The following SSBP3 variants were observed in gnomAD, a reference collection of about 807,000 sequenced individuals.
SSBP3 encodes single stranded DNA binding protein 3.
Under a neutral mutation model 69.6 loss-of-function variants are expected in SSBP3, and 5 were observed. That is an observed-to-expected ratio of 0.07 (90% confidence interval 0.04 to 0.15). The LOEUF (loss-of-function observed/expected upper bound fraction) is 0.15, where lower values mean the gene tolerates loss of function less well. Among genes scored for constraint, SSBP3 ranks in the 10% least tolerant of loss-of-function variants. The pLI is 1.00. For missense variants in SSBP3, 312 were observed against 534.0 expected, an observed-to-expected ratio of 0.58 and a Z score of 4.10; for synonymous variants, 196 against 193.4, an observed-to-expected ratio of 1.01 and a Z score of -0.11.
intron 5 of SSBP3, among the ~76,000 whole-genome samples, chr1:54,263,705 G>A (rs986287031): frequency 6.6e-6 from 1 of 152,182 alleles, no homozygotes; most frequent in Non-Finnish European, 1.5e-5. Context: ...CTTACTCCAT[G>A]TCTGGGGGTG....
At chr1:54,241,165 G>A (rs1231361284) in intron 12 of SSBP3, among the ~76,000 whole-genome samples, 2 of 152,150 alleles carry the variant, frequency 1.3e-5, no homozygotes, top group Non-Finnish European at 2.9e-5. Context: ...AGACCAAGCG[G>A]CCCCTGTGGG....
chr1:54,344,718 C>T (rs1023452197), intron 4 of SSBP3, among the ~76,000 whole-genome samples: 2 of 152,200 alleles, frequency 1.3e-5, no homozygotes, highest in African/African-American at 4.8e-5. Context: ...GAGATAGCAA[C>T]AGAGAACAGG....
chr1:54,230,393 C>CA (rs1169878216), intron 14 of SSBP3, among the ~76,000 whole-genome samples: 4 of 152,238 alleles, frequency 2.6e-5, no homozygotes, highest in African/African-American at 9.6e-5. Context: ...CATGATAATA[C>CA]AGATTTATGC....
At chr1:54,393,728 A>G (rs1161630732) in intron 4 of SSBP3, among the ~76,000 whole-genome samples, 2 of 152,192 alleles carry the variant, frequency 1.3e-5, no homozygotes, top group Admixed American at 6.5e-5. Context: ...ATATGTGTAA[A>G]CTTAATCTTT....
intron 4 of SSBP3, among the ~76,000 whole-genome samples, chr1:54,316,522 T>A (rs1646101728): frequency 6.8e-6 from 1 of 146,404 alleles, no homozygotes. Flanking sequence ...GCGCCTGTAG[T>A]CCCAGCTACT....
At chr1:54,232,899 C>A (rs1644406263) in intron 14 of SSBP3, among the ~76,000 whole-genome samples, 1 of 152,326 alleles carries the variant, frequency 6.6e-6, no homozygotes, top group South Asian at 2.1e-4. Context: ...GGTGCCCAGG[C>A]TGGAGTGCAG....
intron 14 of SSBP3, chr1:54,236,718 G>A (rs1195186222): frequency 6.6e-6 from 1 of 152,182 alleles, no homozygotes; most frequent in Admixed American, 6.5e-5. Context: ...GGCCAGCAAT[G>A]ATAGTCATCT....
chr1:54,411,414 G>A (rs955981906), upstream of SSBP3, among the ~76,000 whole-genome samples: 2 of 150,734 alleles, frequency 1.3e-5, no homozygotes, highest in African/African-American at 2.4e-5. Context: ...GGAGGCGGGG[G>A]TTGCAGTGAG....
At position 54,404,867 on chromosome 1, in the gene SSBP3, G is replaced by A. The variant is rs763303882; in HGVS notation, c.120C>T (p.Phe40=). The change falls in exon 2 of 18, where the codon TTC becomes TTT. Residue 40 remains phenylalanine (F), a synonymous_variant. Coordinates refer to ENST00000610401, the Ensembl canonical transcript of SSBP3. ...GGGGAGTCCCACTCACCTCCGATAAGAAGGTCTGTGCAGATTTCTGTGCTC... is the reference window on the plus strand; with the variant it reads ...GGGGAGTCCCACTCACCTCCGATAAAAAGGTCTGTGCAGATTTCTGTGCTC... The A allele has an allele frequency of 7.5e-6, 12 of 1,606,886 alleles. No homozygotes were observed. The East Asian group carries it at 1.8e-4, about 24-fold the overall frequency.
At chr1:54,272,166 G>C (rs1005810803) in intron 5 of SSBP3, among the ~76,000 whole-genome samples, 2 of 152,188 alleles carry the variant, frequency 1.3e-5, no homozygotes, top group Admixed American at 1.3e-4. Context: ...GAGAGGAAGT[G>C]TTTCAGGGAG....
intron 11 of SSBP3, 111 bp downstream of exon 11, chr1:54,242,053 G>A (rs1251682276): frequency 4.0e-6 from 5 of 1,240,918 alleles, no homozygotes; most frequent in Non-Finnish European, 5.8e-6. Context: ...CATCAGGAGA[G>A]TCCTGCTGCA....
At chr1:54,310,587 C>T (rs1167922130) in intron 4 of SSBP3, among the ~76,000 whole-genome samples, 1 of 152,128 alleles carries the variant, frequency 6.6e-6, no homozygotes, top group Non-Finnish European at 1.5e-5. Context: ...CCCCAACCCA[C>T]TTCCTCCCTC....
intron 9 of SSBP3, among the ~76,000 whole-genome samples, chr1:54,244,974 C>G (rs1644707839): frequency 6.6e-6 from 1 of 152,276 alleles, no homozygotes; most frequent in East Asian, 1.9e-4. Flanking sequence ...GAAGGTGGGG[C>G]TGTGTCTTGA....
upstream of SSBP3, among the ~76,000 whole-genome samples, chr1:54,410,563 G>A (rs141064378): frequency 6.4e-4 from 98 of 152,316 alleles, no homozygotes; most frequent in Non-Finnish European, 1.1e-3. Flanking sequence ...AGAATTGCAC[G>A]GGGATACCTC....
chr1:54,286,271 AACATGC>A (rs1645488264), intron 4 of SSBP3: 1 of 152,236 alleles, frequency 6.6e-6, no homozygotes, highest in Admixed American at 6.5e-5. Context: ...GCAGTTTGGT[AACATGC>A]ACTTTAAAAA....
chr1:54,257,002 C>T (rs1442030125), intron 7 of SSBP3, 125 bp downstream of exon 7: 4 of 953,498 alleles, frequency 4.2e-6, no homozygotes, highest in Non-Finnish European at 6.3e-6. Flanking sequence ...TAGTAAGCTA[C>T]CAGCCACGTT....
chr1:54,399,996 A>G (rs1649180180), intron 4 of SSBP3, among the ~76,000 whole-genome samples: 2 of 152,218 alleles, frequency 1.3e-5, no homozygotes, highest in Non-Finnish European at 2.9e-5. Context: ...TATGAAGTGT[A>G]GGCCTCAATT....
intron 4 of SSBP3, among the ~76,000 whole-genome samples, chr1:54,398,728 A>G (rs191189700): frequency 6.6e-6 from 1 of 151,978 alleles, no homozygotes; most frequent in Non-Finnish European, 1.5e-5. Context: ...TCCTCCCGTG[A>G]CCCTCCTCCC....
chr1:54,411,443 A>G (rs1371631759), intron 1 of SSBP3, among the ~76,000 whole-genome samples: 2 of 149,326 alleles, frequency 1.3e-5, no homozygotes, highest in Admixed American at 6.8e-5. Flanking sequence ...GCACCACTGC[A>G]CTCCATCATG....
Sources: allele counts gnomAD v4.1 joint callset (sites outside exome capture counted in the v4.1 genomes callset), GRCh38; gene constraint gnomAD v4.1.1; transcripts MANE v1.5; gene names NCBI Gene and HGNC (gene_info 2026-07-23, HGNC 2026-07-21).